The following TNFRSF14 variants were observed in gnomAD, a reference collection of about 807,000 sequenced individuals.
TNFRSF14 encodes the protein tumor necrosis factor receptor superfamily member 14.
A neutral mutation model predicts 34.1 loss-of-function variants in TNFRSF14; 18 were observed. The observed-to-expected ratio is 0.53, with a 90% CI of 0.36 to 0.78. The LOEUF (loss-of-function observed/expected upper bound fraction) is 0.78, where lower values mean the gene tolerates loss of function less well. Among genes scored for constraint, TNFRSF14 ranks in the 30% least tolerant of loss-of-function variants. The pLI, the probability that TNFRSF14 is intolerant of heterozygous loss-of-function variation, is 0.00. For missense variants in TNFRSF14, 352 were observed against 379.5 expected, an observed-to-expected ratio of 0.93 and a Z score of 0.60; for synonymous variants, 157 against 153.2, an observed-to-expected ratio of 1.02 and a Z score of -0.18.
In TNFRSF14 at chr1:2,563,410, G is replaced by T. The variant is rs1644340938; in HGVS notation, c.*137G>T. 2 of 1,431,236 alleles carry T rather than the reference G, an allele frequency of 1.4e-6. No individual in the cohort carries two copies. Among genetic ancestry groups the T allele is most frequent in the Non-Finnish European group, 9.3e-7 (1 of 1,069,924 alleles). The allele number at this position is 1,431,236 out of a possible 1,614,324, so 88.7% of individuals were successfully genotyped here. ...GCTGGCTTCCGTCTCCTCCAGTGGA[G>T]GGAGAGGTGGGGCCCCTGCTGGGGT... is the stretch of plus-strand genomic sequence containing the variant. On this transcript the variant is annotated 3_prime_UTR_variant, in exon 8 of 8. Coordinates refer to ENST00000355716, the MANE Select transcript of TNFRSF14 (RefSeq NM_003820.4).
chr1:2,556,376 G>C lies in TNFRSF14; in HGVS notation c.-289G>C. ...TCCCATCGGGCGCCTCCTTCATACC[G>C]GCCCTTCCCCTCGGCTTTGCCTGGA... On this transcript the variant is annotated 5_prime_UTR_variant, in exon 1 of 8. Coordinates refer to ENST00000355716, the MANE Select transcript of TNFRSF14 (RefSeq NM_003820.4). 3.0e-6 allele frequency: 2 copies of C among 662,216 alleles called. No homozygotes were observed. Among genetic ancestry groups the C allele is most frequent in the Non-Finnish European group, 5.6e-6 (2 of 359,476 alleles). 41.0% of individuals were successfully genotyped at this position (662,216 alleles called of 1,614,324 possible).
intron 3 of TNFRSF14, chr1:2,559,075 G>T: frequency 7.3e-7 from 1 of 1,369,312 alleles, no homozygotes; most frequent in Non-Finnish European, 9.6e-7. Flanking sequence ...TGCTCCCTGC[G>T]GCCAGGCAGG....
Position 2,559,995 on chromosome 1 carries a change from G to A in TNFRSF14, c.460+17G>A, listed in dbSNP as rs372652799. On this transcript the variant is annotated intron_variant, in intron 4 of 7. Coordinates refer to ENST00000355716, the MANE Select transcript of TNFRSF14 (RefSeq NM_003820.4). ...AGAAGGGAGGTAAGCGGTGGGTGGCGGACACCCCTCCCATTTCCACCCTGG... is the reference window on the plus strand; with the variant it reads ...AGAAGGGAGGTAAGCGGTGGGTGGCAGACACCCCTCCCATTTCCACCCTGG... 2.3e-5 allele frequency: 35 copies of A among 1,524,228 alleles called. No individual in the cohort carries two copies. Among genetic ancestry groups the A allele is most frequent in the African/African-American group, 1.6e-4 (12 of 72,978 alleles). 94.4% of individuals were successfully genotyped at this position (1,524,228 alleles called of 1,614,324 possible). A position where few individuals can be genotyped will look rare whatever the true frequency, so the allele number is the denominator to read the frequency against.
chr1:2,559,013 C>T lies in TNFRSF14; in HGVS notation c.304+545C>T, dbSNP rs11573975. ...TCACTGAGCGCAGAGCCTGTCCATG[C>T]GGCCAACGGCTCTGTCCCCTTGGAG... On this transcript the variant is annotated intron_variant, in intron 3 of 7. Coordinates refer to ENST00000355716, the MANE Select transcript of TNFRSF14 (RefSeq NM_003820.4). The T allele has an allele frequency of 1.6e-3, 2,227 of 1,367,694 alleles. 26 individuals are homozygous for T. The African/African-American group carries it at 0.029, about 18-fold the overall frequency. The allele number at this position is 1,367,694 out of a possible 1,614,324, so 84.7% of individuals were successfully genotyped here.
chr1:2,558,877 C>T (rs1644260649), intron 3 of TNFRSF14: 1 of 1,334,426 alleles, frequency 7.5e-7, no homozygotes, highest in Non-Finnish European at 9.8e-7. Flanking sequence ...CCTTTCTCCT[C>T]CAGATATTGG....
In TNFRSF14 at chr1:2,559,833, G is replaced by C; in HGVS notation, c.315G>C (p.Leu105=). ...CCTCTTGGACTCCAGCCATGGGCCT[G>C]CGCGCGAGCCGGAACTGCTCCAGGA... The part of the protein sequence containing the change: ...QCQMCDPAMG[L]RASRNCSRTE... The change falls in exon 4 of 8, where the codon CTG becomes CTC. Residue 105 remains leucine (L), a synonymous_variant. Coordinates refer to ENST00000355716, the MANE Select transcript of TNFRSF14 (RefSeq NM_003820.4). The C allele has an allele frequency of 6.2e-7, 1 of 1,607,494 alleles. No homozygotes were observed. The highest frequency in any genetic ancestry group is 8.5e-7 in the Non-Finnish European group (1 of 1,177,918).
In TNFRSF14 at chr1:2,563,283, T is replaced by C. The variant is rs764018346; in HGVS notation, c.*10T>C. On this transcript the variant is annotated 3_prime_UTR_variant, in exon 8 of 8. Coordinates refer to ENST00000355716, the MANE Select transcript of TNFRSF14 (RefSeq NM_003820.4). ...GAGCCCAAACCACTGACCCACAGAC[T>C]CTGCACCCCGACGCCAGAGATACCT... The C allele has an allele frequency of 6.2e-7, 1 of 1,611,834 alleles. No homozygotes were observed.
In TNFRSF14 at chr1:2,557,720, C is replaced by A. The variant is rs1328881517; in HGVS notation, c.70-6C>A. 4.4e-6 allele frequency: 7 copies of A among 1,600,960 alleles called. No homozygotes were observed. The highest frequency in any genetic ancestry group is 6.0e-6 in the Non-Finnish European group (7 of 1,173,216). On this transcript the variant is annotated splice_region_variant and splice_polypyrimidine_tract_variant and intron_variant, in intron 1 of 7. Coordinates refer to ENST00000355716, the MANE Select transcript of TNFRSF14 (RefSeq NM_003820.4). ...CATCTCCCAATGCCTGTCCTGACCC[C>A]CTTAGGTGCTGTATCTCACCTTCCT...
At chr1:2,557,890 C>A in intron 2 of TNFRSF14, 56 bp downstream of exon 2, 1 of 1,391,296 alleles carries the variant, frequency 7.2e-7, no homozygotes, top group Non-Finnish European at 9.9e-7. Flanking sequence ...ACACTCTTGC[C>A]CCCTTCTGCC....
At chr1:2,556,897 C>T in intron 1 of TNFRSF14, 164 bp downstream of exon 1, 3 of 667,868 alleles carry the variant, frequency 4.5e-6, no homozygotes, top group Non-Finnish European at 7.6e-6. Flanking sequence ...ACCCCCAGCA[C>T]TGGGCTCACC....
rs746784985 is a variant in TNFRSF14, at chr1:2,561,727, A to G, written c.606A>G (p.Val202=). 1.2e-6 allele frequency: 2 copies of G among 1,613,514 alleles called. No individual in the cohort carries two copies. The highest frequency in any genetic ancestry group is 1.7e-6 in the Non-Finnish European group (2 of 1,179,954). ...AGAGTSSSHW[V]WWFLSGSLVI... ...CTGGGACCAGCAGCTCCCACTGGGT[A>G]TGGTGGTTTCTCTCAGGGAGCCTCG... Residue 202 remains valine, a synonymous_variant, in exon 6 of 8, where the codon GTA becomes GTG. Coordinates refer to ENST00000355716, the MANE Select transcript of TNFRSF14 (RefSeq NM_003820.4). This position sits in a 1 kb window ranked among gnomAD's most constrained non-coding sequence, Gnocchi z 6.0.
At chr1:2,556,798 A>C in intron 1 of TNFRSF14, 65 bp downstream of exon 1, 1 of 1,460,898 alleles carries the variant, frequency 6.8e-7, no homozygotes, top group Non-Finnish European at 9.2e-7. Context: ...GGCCTCCCAC[A>C]GATCTCTTCC....
At chr1:2,562,962 C>T (rs1180209225) in intron 7 of TNFRSF14, 66 bp downstream of exon 7, 13 of 1,400,758 alleles carry the variant, frequency 9.3e-6, no homozygotes, top group African/African-American at 1.4e-5. Context: ...CCCGCTGGGG[C>T]TGGTGTTTCT....
rs587778716 is a variant in TNFRSF14 at position 2,559,923 on chromosome 1, C to T, written c.405C>T (p.Cys135=). 55 of 1,599,406 alleles carry T rather than the reference C, an allele frequency of 3.4e-5. 1 individual carries two copies. The highest frequency in any genetic ancestry group is 1.6e-4 in the Middle Eastern group (1 of 6,064). ...HFCIVQDGDH[C]AACRAYATSS... ...GCATCGTCCAGGACGGGGACCACTG[C>T]GCCGCGTGCCGCGCTTACGCCACCT... is the stretch of plus-strand genomic sequence containing the variant. Residue 135 remains cysteine, a synonymous_variant, in exon 4 of 8, where the codon TGC becomes TGT. Coordinates refer to ENST00000355716, the MANE Select transcript of TNFRSF14 (RefSeq NM_003820.4).
rs1644338553 is a variant in TNFRSF14 at position 2,563,305 on chromosome 1, A to G, written c.*32A>G. 6.2e-7 allele frequency: 1 copy of G among 1,606,698 alleles called. No homozygotes were observed. Reference sequence around the variant, plus strand: ...GACTCTGCACCCCGACGCCAGAGATACCTGGAGCGACGGCTGCTGAAAGAG... The same window carrying G: ...GACTCTGCACCCCGACGCCAGAGATGCCTGGAGCGACGGCTGCTGAAAGAG... On this transcript the variant is annotated 3_prime_UTR_variant, in exon 8 of 8. Coordinates refer to ENST00000355716, the MANE Select transcript of TNFRSF14 (RefSeq NM_003820.4).
Position 2,561,295 on chromosome 1 carries a change from C to T in TNFRSF14, c.552-378C>T, listed in dbSNP as rs1447526221. 3 of 582,566 alleles carry T rather than the reference C, an allele frequency of 5.1e-6. No individual in the cohort carries two copies. Among genetic ancestry groups the T allele is most frequent in the Non-Finnish European group, 9.1e-6 (3 of 328,684 alleles). 36.1% of individuals were successfully genotyped at this position (582,566 alleles called of 1,614,324 possible). ...GCCCCAGCTCAGTCCTGTCCATCTC[C>T]AGCTCTAACCATTTTTGTCCCGACA... On this transcript the variant is annotated intron_variant, in intron 5 of 7. Transcript: ENST00000355716. This position sits in a 1 kb window ranked among gnomAD's most constrained non-coding sequence, Gnocchi z 6.0.
chr1:2,559,158 G>GT, intron 3 of TNFRSF14: 1 of 1,365,082 alleles, frequency 7.3e-7, no homozygotes, highest in South Asian at 1.2e-5. Flanking sequence ...CACAGGGCAG[G>GT]TGGGCTAGCC....
intron 4 of TNFRSF14, 54 bp from the exon 5 acceptor site, chr1:2,560,570 G>A: frequency 1.4e-6 from 2 of 1,421,978 alleles, no homozygotes; most frequent in East Asian, 2.3e-5. Flanking sequence ...CTAGCCGCCA[G>A]CCCCCTCCTG....
chr1:2,562,942 C>T lies in TNFRSF14; in HGVS notation c.726+46C>T, dbSNP rs1252835581. 3.8e-6 allele frequency: 6 copies of T among 1,568,098 alleles called. No homozygotes were observed. The East Asian group carries it at 9.0e-5, about 24-fold the overall frequency. On this transcript the variant is annotated intron_variant, in intron 7 of 7. Transcript: ENST00000355716. The stretch of plus-strand genomic sequence containing the variant: ...CTCCCTCCCCCCTCCACCTTCCCAC[C>T]TCCCCTCTCCCCGCTGGGGCTGGTG...
Sources: gnomAD v4.1 joint callset for allele counts on GRCh38, gnomAD v4.1.1 for gene constraint, Gnocchi (gnomAD v3.1) non-coding constraint, MANE v1.5 for transcripts, NCBI Gene and HGNC (gene_info 2026-07-23, HGNC 2026-07-21) for gene names.